ACOT8: variants seen among roughly 807,000 people sequenced by gnomAD.
ACOT8 encodes the protein acyl-coenzyme A thioesterase 8.
A neutral mutation model predicts 38.4 loss-of-function variants in ACOT8; 31 were observed. The observed-to-expected ratio is 0.81, with a 90% CI of 0.61 to 1.09. The LOEUF (loss-of-function observed/expected upper bound fraction) is 1.09. Among genes scored for constraint, ACOT8 ranks in the 50% least tolerant of loss-of-function variants. The probability of loss-of-function intolerance (pLI) is 0.00; values close to 1 mark genes in which losing one functional copy is unlikely to be tolerated. For missense variants in ACOT8, 373 were observed against 421.8 expected (o/e 0.88, Z 1.01); for synonymous variants, 158 against 170.3 (o/e 0.93, Z 0.56).
chr20:45,856,517 T>C (rs761029721), intron 1 of ACOT8, among the ~76,000 whole-genome samples: 62 of 152,020 alleles, frequency 4.1e-4, no homozygotes, highest in Non-Finnish European at 7.1e-4. Context: ...CCGTCTCTAC[T>C]AAAAGAAGTT....
At chr20:45,849,100 T>G (rs1381754587) in intron 2 of ACOT8, 1 of 158,260 alleles carries the variant, frequency 6.3e-6, no homozygotes, top group Non-Finnish European at 1.4e-5. Context: ...CTATATGTGT[T>G]TGTTAAATAA....
chr20:45,846,940 G>A (rs1487173215), intron 3 of ACOT8, among the ~76,000 whole-genome samples: 2 of 152,154 alleles, frequency 1.3e-5, no homozygotes, highest in Non-Finnish European at 2.9e-5. Context: ...GGGCACGGTG[G>A]CTCACGCCTG....
Position 45,843,694 on chromosome 20 carries a change from C to T in ACOT8, c.674G>A (p.Cys225Tyr). The T allele has an allele frequency of 1.2e-6, 2 of 1,609,948 alleles. No individual in the cohort carries two copies. The highest frequency in any genetic ancestry group is 1.7e-6 in the Non-Finnish European group (2 of 1,176,646). Residue 225 changes from cysteine to tyrosine, a missense_variant, in exon 5 of 6, where the codon TGC (cysteine) becomes TAC (tyrosine). By Grantham distance (194) the Cys-to-Tyr change is radical (BLOSUM62 -2). Coordinates refer to ENST00000217455, the MANE Select transcript of ACOT8 (RefSeq NM_005469.4). ...IGEGDMKMHC[C>Y]VAAYISDYAF... ...ATAGTCGGAGATATAGGCGGCCACG[C>T]AGCAGTGCATCTTCATGTCGCCCTC...
In ACOT8 at chr20:45,846,681, CTG is replaced by C. The variant is rs1331468357; in HGVS notation, c.488+1767_488+1768del. 7.2e-5 allele frequency among the ~76,000 whole-genome samples: 11 copies of C among 152,268 alleles called. No individual in the cohort carries two copies. In the East Asian group the frequency reaches 1.4e-3, roughly 19 times the overall value. On this transcript the variant is annotated intron_variant, in intron 3 of 5. Coordinates refer to ENST00000217455, the MANE Select transcript of ACOT8 (RefSeq NM_005469.4). ...AACTAGGGCCCTGGGGAGTTGGGCA[CTG>C]TCCCACAGCAGGTGAGCATTCACAG...
intron 2 of ACOT8, chr20:45,853,432 C>T (rs1029897114): frequency 2.6e-5 from 4 of 154,002 alleles, no homozygotes; most frequent in African/African-American, 9.7e-5. Flanking sequence ...CTGTATCATG[C>T]AAATTTTAAT....
intron 5 of ACOT8, chr20:45,843,221 G>A: frequency 1.9e-6 from 1 of 522,062 alleles, no homozygotes; most frequent in Non-Finnish European, 3.4e-6. Flanking sequence ...TGAGGAAACT[G>A]AGGTTCAGAT....
At chr20:45,843,475 G>T (rs772146726) in intron 5 of ACOT8, 52 bp downstream of exon 5, 10 of 1,583,818 alleles carry the variant, frequency 6.3e-6, no homozygotes, top group African/African-American at 1.3e-5. Flanking sequence ...CAAGAAAGCA[G>T]GCTCCTGCCA....
intron 2 of ACOT8, among the ~76,000 whole-genome samples, chr20:45,850,759 G>A (rs556528291): frequency 6.6e-6 from 1 of 152,282 alleles, no homozygotes; most frequent in East Asian, 1.9e-4. Context: ...CTAATCAAGA[G>A]GCTGAGGCGG....
chr20:45,842,242 A>C, intron 5 of ACOT8: 1 of 1,440,230 alleles, frequency 6.9e-7, no homozygotes, highest in Non-Finnish European at 9.1e-7. Context: ...TCATGAGCTT[A>C]TTATGGACCG....
intron 2 of ACOT8, chr20:45,853,377 T>C (rs1341902275): frequency 6.6e-6 from 1 of 152,268 alleles, no homozygotes; most frequent in Non-Finnish European, 1.5e-5. Flanking sequence ...CTGCCACCCA[T>C]GTTTACTTAT....
At position 45,853,949 on chromosome 20, in the gene ACOT8, C is replaced by T. The variant is rs1481015473; in HGVS notation, c.262+1210G>A. ...GTAAAGGTCCACAAACTCTTCTCAGCTGGGGATCTACGCAGAACACATGAG... is the reference window on the plus strand; with the variant it reads ...GTAAAGGTCCACAAACTCTTCTCAGTTGGGGATCTACGCAGAACACATGAG... On this transcript the variant is annotated intron_variant, in intron 2 of 5. Transcript: ENST00000217455. The T allele has an allele frequency of 6.9e-6, 9 of 1,304,404 alleles. No individual in the cohort carries two copies. In the Admixed American group the frequency reaches 2.1e-4, roughly 30 times the overall value. 80.8% of individuals were successfully genotyped at this position (1,304,404 alleles called of 1,614,324 possible).
chr20:45,843,824 G>A, intron 4 of ACOT8, 103 bp from the exon 5 acceptor site: 1 of 1,512,448 alleles, frequency 6.6e-7, no homozygotes, highest in Non-Finnish European at 8.8e-7. Flanking sequence ...GTGCAGACTG[G>A]TTGCTGCACA....
chr20:45,854,073 A>AT (rs1270370867), intron 2 of ACOT8: 2 of 933,496 alleles, frequency 2.1e-6, no homozygotes, highest in South Asian at 3.1e-5. Flanking sequence ...CCTTTTATTT[A>AT]TTTTTTTGTA....
chr20:45,855,309 A>G lies in ACOT8; in HGVS notation c.129-17T>C, dbSNP rs1297692376. On this transcript the variant is annotated splice_polypyrimidine_tract_variant and intron_variant, in intron 1 of 5. Transcript: ENST00000217455. Reference sequence around the variant, plus strand: ...TGCCTTCCTCTGTAGGGAGAGGGGGAAAGAGGGAAAGACTTGGGAACTGGG... The same window carrying G: ...TGCCTTCCTCTGTAGGGAGAGGGGGGAAGAGGGAAAGACTTGGGAACTGGG... The G allele has an allele frequency of 1.9e-6, 3 of 1,613,300 alleles. No homozygotes were observed. In the African/African-American group the frequency reaches 4.0e-5, roughly 22 times the overall value.
At chr20:45,846,875 A>G (rs1984717542) in intron 3 of ACOT8, among the ~76,000 whole-genome samples, 1 of 152,166 alleles carries the variant, frequency 6.6e-6, no homozygotes, top group Non-Finnish European at 1.5e-5. Flanking sequence ...TGGTTAGGGG[A>G]AAATACATAT....
intron 2 of ACOT8, chr20:45,854,040 A>G (rs1985237786): frequency 2.3e-5 from 28 of 1,197,412 alleles, no homozygotes; most frequent in Non-Finnish European, 3.0e-5. Flanking sequence ...TTTGTTTTTT[A>G]GCATAGGTTT....
chr20:45,842,174 G>C (rs1984235785), intron 5 of ACOT8: 1 of 1,505,268 alleles, frequency 6.6e-7, no homozygotes, highest in Admixed American at 2.1e-5. Flanking sequence ...GTCTGGCCCA[G>C]GGCAGGGCTG....
At chr20:45,844,625 C>G (rs984592141) in intron 3 of ACOT8, among the ~76,000 whole-genome samples, 1 of 152,280 alleles carries the variant, frequency 6.6e-6, no homozygotes, top group African/African-American at 2.4e-5. Flanking sequence ...AATTAGTAAT[C>G]TGAGTCTATT....
chr20:45,847,324 T>C (rs905727873), intron 3 of ACOT8, among the ~76,000 whole-genome samples: 3 of 152,002 alleles, frequency 2.0e-5, no homozygotes, highest in East Asian at 1.9e-4. Context: ...AAGTCCTAAG[T>C]TGCTGGACCA....
Sources: allele counts gnomAD v4.1 joint callset (sites outside exome capture counted in the v4.1 genomes callset), GRCh38; gene constraint gnomAD v4.1.1; transcripts MANE v1.5; gene names NCBI Gene and HGNC (gene_info 2026-07-23, HGNC 2026-07-21).